The following CDH12 variants were observed in gnomAD, a reference collection of about 807,000 sequenced individuals.
CDH12 encodes cadherin 12.
A neutral mutation model predicts 74.1 loss-of-function variants in CDH12; 41 were observed. The observed-to-expected ratio is 0.55, with a 90% CI of 0.43 to 0.72. CDH12 has a LOEUF of 0.72. Ranked by LOEUF, CDH12 falls within the 30% of genes least tolerant of loss-of-function variation. The probability of loss-of-function intolerance (pLI) is 0.00; values close to 1 mark genes in which losing one functional copy is unlikely to be tolerated. For synonymous variants in CDH12, 399 were observed against 355.0 expected, an observed-to-expected ratio of 1.12 and a Z score of -1.39; for missense variants, 945 against 977.2, an observed-to-expected ratio of 0.97 and a Z score of 0.44.
intron 1 of CDH12, among the ~76,000 whole-genome samples, chr5:22,562,506 G>A (rs972959814): frequency 2.0e-5 from 3 of 151,858 alleles, no homozygotes; most frequent in African/African-American, 4.8e-5. Flanking sequence ...TAAATATATG[G>A]ATTTTCTACA....
At chr5:22,183,828 A>G (rs1254715733) in intron 4 of CDH12, among the ~76,000 whole-genome samples, 1 of 152,170 alleles carries the variant, frequency 6.6e-6, no homozygotes, top group African/African-American at 2.4e-5. Context: ...CTGCAAAGTC[A>G]TTAAACTGAA....
chr5:22,189,375 A>G (rs1202183801), intron 4 of CDH12, among the ~76,000 whole-genome samples: 1 of 152,186 alleles, frequency 6.6e-6, no homozygotes, highest in Non-Finnish European at 1.5e-5. Context: ...ATAAATATTA[A>G]TAATATTTTA....
At chr5:22,537,586 C>T (rs1189798415) in intron 1 of CDH12, among the ~76,000 whole-genome samples, 1 of 152,140 alleles carries the variant, frequency 6.6e-6, no homozygotes, top group Non-Finnish European at 1.5e-5. Context: ...GATAACCTCC[C>T]CTCTGGCCGG....
At chr5:22,335,985 C>A (rs778805757) in intron 3 of CDH12, among the ~76,000 whole-genome samples, 2 of 151,986 alleles carry the variant, frequency 1.3e-5, no homozygotes, top group Non-Finnish European at 2.9e-5. Flanking sequence ...ATGGCTTTGA[C>A]CAAAAGCCTG....
At chr5:22,246,307 T>A (rs923052950) in intron 3 of CDH12, among the ~76,000 whole-genome samples, 4 of 152,130 alleles carry the variant, frequency 2.6e-5, no homozygotes, top group African/African-American at 9.6e-5. Flanking sequence ...CATTCTAAAG[T>A]ACTGTATTCA....
At chr5:22,427,753 G>A (rs971898107) in intron 2 of CDH12, among the ~76,000 whole-genome samples, 6 of 152,132 alleles carry the variant, frequency 3.9e-5, no homozygotes, top group Non-Finnish European at 8.8e-5. Flanking sequence ...AGCAGGAATG[G>A]AGGAGAGAAG....
At chr5:21,888,046 A>T (rs1305133104) in intron 6 of CDH12, among the ~76,000 whole-genome samples, 1 of 152,108 alleles carries the variant, frequency 6.6e-6, no homozygotes, top group East Asian at 1.9e-4. Context: ...AACAACAACA[A>T]AACAGTCACA....
At chr5:22,149,984 T>A (rs1053967926) in intron 4 of CDH12, among the ~76,000 whole-genome samples, 7 of 151,950 alleles carry the variant, frequency 4.6e-5, no homozygotes, top group Non-Finnish European at 7.4e-5. Context: ...ACAGAGCAAG[T>A]TTCAAAAAAT....
chr5:22,751,181 C>A (rs191277923), intron 1 of CDH12, among the ~76,000 whole-genome samples: 1 of 151,308 alleles, frequency 6.6e-6, no homozygotes, highest in Non-Finnish European at 1.5e-5. Flanking sequence ...TTGGGTAATA[C>A]CTTAAAGAGG....
At chr5:22,490,648 A>T (rs1368709096) in intron 2 of CDH12, among the ~76,000 whole-genome samples, 2 of 151,460 alleles carry the variant, frequency 1.3e-5, no homozygotes, top group Non-Finnish European at 2.9e-5. Context: ...TTAATCAGTT[A>T]AAAAAAAACT....
chr5:22,155,793 A>C (rs545897354), intron 4 of CDH12, among the ~76,000 whole-genome samples: 2 of 152,310 alleles, frequency 1.3e-5, no homozygotes, highest in East Asian at 3.9e-4. Flanking sequence ...TGATGTAAAA[A>C]AGATTTACAG....
intron 4 of CDH12, among the ~76,000 whole-genome samples, chr5:22,204,162 G>GGTTTTTTT (rs1554020485): frequency 2.3e-5 from 3 of 129,888 alleles, no homozygotes; most frequent in African/African-American, 2.7e-5. Flanking sequence ...TGTTTTGTTT[G>GGTTTTTTT]TTTTTTTTTT....
At chr5:22,768,883 T>A (rs1224055079) in intron 1 of CDH12, among the ~76,000 whole-genome samples, 1 of 152,208 alleles carries the variant, frequency 6.6e-6, no homozygotes, top group Non-Finnish European at 1.5e-5. Context: ...TTAACACAGC[T>A]AATTAGATGT....
chr5:22,551,047 G>C (rs566353767), intron 1 of CDH12, among the ~76,000 whole-genome samples: 1 of 152,250 alleles, frequency 6.6e-6, no homozygotes, highest in East Asian at 1.9e-4. Flanking sequence ...TCACCACACA[G>C]TACTAGTAAT....
At chr5:22,396,213 C>T (rs1305199883) in intron 3 of CDH12, among the ~76,000 whole-genome samples, 1 of 151,950 alleles carries the variant, frequency 6.6e-6, no homozygotes, top group Non-Finnish European at 1.5e-5. Context: ...GCAATTTTTT[C>T]TGTTCAGTGT....
At chr5:22,497,567 G>T (rs1747149272) in intron 2 of CDH12, among the ~76,000 whole-genome samples, 1 of 149,944 alleles carries the variant, frequency 6.7e-6, no homozygotes, top group Non-Finnish European at 1.5e-5. Flanking sequence ...ATCAGCCAGA[G>T]AAGTCCTCTG....
Position 21,752,129 on chromosome 5 carries a change from C to CA in CDH12, c.1992_1993insT (p.Gly665TrpfsTer21). 1.9e-6 allele frequency: 3 copies of CA among 1,614,126 alleles called. No homozygotes were observed. Among genetic ancestry groups the CA allele is most frequent in the Admixed American group, 1.7e-5 (1 of 59,998 alleles). On this transcript the variant is annotated frameshift_variant, in exon 15 of 15. Coordinates refer to ENST00000382254, the MANE Select transcript of CDH12 (RefSeq NM_004061.5). LOFTEE classifies it high-confidence loss of function. ...AAAGCCTGGGTATCTTCCTCCCCAC[C>CA]TCCTTCATCATCGTAATGGATGACG...
At chr5:21,951,009 G>C (rs529774375) in intron 6 of CDH12, among the ~76,000 whole-genome samples, 10 of 151,674 alleles carry the variant, frequency 6.6e-5, no homozygotes, top group African/African-American at 2.4e-4. Context: ...GGATGGTCTC[G>C]ATCTCCTGAC....
At chr5:21,901,666 C>T (rs935008200) in intron 6 of CDH12, among the ~76,000 whole-genome samples, 22 of 151,996 alleles carry the variant, frequency 1.4e-4, no homozygotes, top group Non-Finnish European at 2.5e-4. Context: ...CTTTATCAAC[C>T]CTCCAGATTC....
Sources: allele counts gnomAD v4.1 joint callset (sites outside exome capture counted in the v4.1 genomes callset), GRCh38; gene constraint gnomAD v4.1.1; transcripts MANE v1.5; gene names NCBI Gene and HGNC (gene_info 2026-07-23, HGNC 2026-07-21).